The following UBE3B variants were observed in gnomAD, a reference collection of about 807,000 sequenced individuals.
UBE3B encodes ubiquitin protein ligase E3B.
In UBE3B, 80 loss-of-function variants were observed where a neutral mutation model predicts 132.3. The observed-to-expected ratio is 0.60, with a 90% CI of 0.50 to 0.73. The LOEUF is 0.73. Among genes scored for constraint, UBE3B ranks in the 30% least tolerant of loss-of-function variants. The probability of loss-of-function intolerance (pLI) is 0.00; values close to 1 mark genes in which losing one functional copy is unlikely to be tolerated. For synonymous variants in UBE3B, 487 were observed against 520.4 expected (o/e 0.94, Z 0.87); for missense variants, 1,196 against 1,362.5 (o/e 0.88, Z 1.92).
In UBE3B at chr12:109,522,609, G is replaced by A. The variant is rs1170300111; in HGVS notation, c.2364+1058G>A. 2.0e-5 allele frequency among the ~76,000 whole-genome samples: 3 copies of A among 152,202 alleles called. No individual in the cohort carries two copies. Among genetic ancestry groups the A allele is most frequent in the Non-Finnish European group, 2.9e-5 (2 of 68,044 alleles). On this transcript the variant is annotated intron_variant, in intron 21 of 27. Coordinates refer to ENST00000342494, the MANE Select transcript of UBE3B (RefSeq NM_130466.4). This position sits in a 1 kb window ranked among gnomAD's most constrained non-coding sequence, Gnocchi z 4.2. The stretch of plus-strand genomic sequence containing the variant: ...GCCAGATGCTTTCCAAACAGAAAGA[G>A]CCAGCAGCTGGGCCAAGCTGAGAGG...
intron 26 of UBE3B, among the ~76,000 whole-genome samples, chr12:109,530,871 G>T (rs906654620): frequency 6.6e-6 from 1 of 152,332 alleles, no homozygotes; most frequent in African/African-American, 2.4e-5. Context: ...GTCCCTGGCT[G>T]CAGGGACAGG....
At chr12:109,491,196 T>C in intron 9 of UBE3B, 69 bp downstream of exon 9, 1 of 1,471,608 alleles carries the variant, frequency 6.8e-7, no homozygotes, top group Non-Finnish European at 9.5e-7. Context: ...TTTTTCTTTC[T>C]CTCGTTACTG....
downstream of UBE3B, among the ~76,000 whole-genome samples, chr12:109,541,377 G>C (rs1280848569): frequency 2.0e-5 from 3 of 152,182 alleles, no homozygotes; most frequent in East Asian, 5.8e-4. Flanking sequence ...TCAGTGACTT[G>C]AGAGTAGGCA....
chr12:109,511,398 A>G (rs1880355313), intron 18 of UBE3B, 95 bp downstream of exon 18: 2 of 1,098,564 alleles, frequency 1.8e-6, no homozygotes, highest in African/African-American at 1.6e-5. Context: ...GGAGGTGACT[A>G]AGTGGGATCA....
At chr12:109,529,291 AC>A (rs1882709236) in intron 24 of UBE3B, among the ~76,000 whole-genome samples, 1 of 152,190 alleles carries the variant, frequency 6.6e-6, no homozygotes, top group Non-Finnish European at 1.5e-5. Flanking sequence ...ATCACAGCAG[AC>A]CCAGAGACCC....
In UBE3B at chr12:109,521,924, G is replaced by T. The variant is rs1243700938; in HGVS notation, c.2364+373G>T. 1.3e-5 allele frequency among the ~76,000 whole-genome samples: 2 copies of T among 152,174 alleles called. No individual in the cohort carries two copies. The highest frequency in any genetic ancestry group is 2.4e-5 in the African/African-American group (1 of 41,454). ...TCTTTCCTGAGGCATGAGGAGTGGT[G>T]TGCAGAGCCAGATGGCCACACGGAG... is the stretch of plus-strand genomic sequence containing the variant. On this transcript the variant is annotated intron_variant, in intron 21 of 27. Coordinates refer to ENST00000342494, the MANE Select transcript of UBE3B (RefSeq NM_130466.4). This position sits in a 1 kb window ranked among gnomAD's most constrained non-coding sequence, Gnocchi z 4.2.
At chr12:109,543,671 A>G in the UBE3B span, among the ~76,000 whole-genome samples, 2 of 152,194 alleles carry the variant, frequency 1.3e-5, no homozygotes, top group Non-Finnish European at 2.9e-5. Context: ...CGTCTCTACT[A>G]AAAACACAAA....
At chr12:109,508,820 A>G (rs1234775165) in intron 15 of UBE3B, 2 of 886,294 alleles carry the variant, frequency 2.3e-6, no homozygotes, top group African/African-American at 1.8e-5. Flanking sequence ...ATGTTCTTTC[A>G]AACATTTATT....
At chr12:109,514,746 C>T (rs1880795710) in intron 18 of UBE3B, among the ~76,000 whole-genome samples, 2 of 151,974 alleles carry the variant, frequency 1.3e-5, no homozygotes, top group Non-Finnish European at 2.9e-5. Flanking sequence ...GCCTCCCTCC[C>T]TGTGTCCCCA....
At chr12:109,505,848 C>A (rs1331860942) in intron 14 of UBE3B, among the ~76,000 whole-genome samples, 2 of 152,182 alleles carry the variant, frequency 1.3e-5, no homozygotes, top group Non-Finnish European at 2.9e-5. Context: ...CCAAACAGTT[C>A]TTTATTCAAA....
Position 109,488,223 on chromosome 12 carries a change from C to T in UBE3B, c.448-349C>T, listed in dbSNP as rs535892254. Among the ~76,000 whole-genome samples, 8 of 152,338 alleles carry T rather than the reference C, an allele frequency of 5.3e-5. No individual in the cohort carries two copies. The South Asian group carries it at 1.0e-3, about 20-fold the overall frequency. The stretch of plus-strand genomic sequence containing the variant: ...AGAAGGCTGAGCCCAGAGTCCTAGT[C>T]ATGCTCAATTGCATTTCTGCTCTGT... On this transcript the variant is annotated intron_variant, in intron 6 of 27. Coordinates refer to ENST00000342494, the MANE Select transcript of UBE3B (RefSeq NM_130466.4).
chr12:109,506,896 C>A (rs1345923774), intron 14 of UBE3B, among the ~76,000 whole-genome samples: 1 of 152,182 alleles, frequency 6.6e-6, no homozygotes, highest in African/African-American at 2.4e-5. Flanking sequence ...TCACAGGTGG[C>A]CATCTGATTA....
intron 2 of UBE3B, among the ~76,000 whole-genome samples, chr12:109,482,902 A>G (rs548893124): frequency 6.6e-6 from 1 of 152,260 alleles, no homozygotes; most frequent in Admixed American, 6.5e-5. Context: ...ATAAAACCAA[A>G]TATCTTCAAT....
In UBE3B at chr12:109,534,497, G is replaced by A. The variant is rs1309928783; in HGVS notation, c.3016-94G>A. On this transcript the variant is annotated intron_variant, in intron 27 of 27. Coordinates refer to ENST00000342494, the MANE Select transcript of UBE3B (RefSeq NM_130466.4). This position sits in a 1 kb window ranked among gnomAD's most constrained non-coding sequence, Gnocchi z 5.2. ...CACTCTGCCCAGCATCCAGGGACTG[G>A]CCAGATCCCCTCCCTGGGCTCCCTG... 24 of 1,512,324 alleles carry A rather than the reference G, an allele frequency of 1.6e-5. No individual in the cohort carries two copies. The highest frequency in any genetic ancestry group is 1.3e-4 in the Admixed American group (6 of 45,874). 93.7% of individuals were successfully genotyped at this position (1,512,324 alleles called of 1,614,324 possible).
At chr12:109,484,753 G>A (rs1000276621) in intron 4 of UBE3B, among the ~76,000 whole-genome samples, 4 of 144,022 alleles carry the variant, frequency 2.8e-5, no homozygotes, top group African/African-American at 7.8e-5. Context: ...CTCAATGTTC[G>A]TTCATTCATT....
rs780507038 is a variant in UBE3B at position 109,483,812 on chromosome 12, G to A, written c.162-49G>A. ...AAAGTGCTTGAAAAGCCTTCCAGGTGCTACAAGCTGTTAATTTAAAATGTC... is the reference window on the plus strand; with the variant it reads ...AAAGTGCTTGAAAAGCCTTCCAGGTACTACAAGCTGTTAATTTAAAATGTC... On this transcript the variant is annotated intron_variant, in intron 3 of 27. Transcript: ENST00000342494. 3.1e-6 allele frequency: 5 copies of A among 1,597,680 alleles called. No individual in the cohort carries two copies. In the African/African-American group the frequency reaches 4.0e-5, roughly 13 times the overall value.
intron 1 of UBE3B, among the ~76,000 whole-genome samples, chr12:109,480,228 T>C (rs1875135130): frequency 6.6e-6 from 1 of 151,246 alleles, no homozygotes; most frequent in African/African-American, 2.4e-5. Context: ...ATAAAAATAA[T>C]ACACCAGTTA....
chr12:109,523,840 C>T lies in UBE3B; in HGVS notation c.2365-138C>T. On this transcript the variant is annotated intron_variant, in intron 21 of 27. Transcript: ENST00000342494. Reference sequence around the variant, plus strand: ...TTGGTAGAGGATGGGGAGATACTGCCCTCCGGATTGGAAACTTAGGAGGGG... The same window carrying T: ...TTGGTAGAGGATGGGGAGATACTGCTCTCCGGATTGGAAACTTAGGAGGGG... 2.4e-6 allele frequency: 3 copies of T among 1,228,710 alleles called. No individual in the cohort carries two copies. The East Asian group carries it at 7.0e-5, about 29-fold the overall frequency. 76.1% of individuals were successfully genotyped at this position (1,228,710 alleles called of 1,614,324 possible).
chr12:109,489,272 G>A (rs1468133747), intron 7 of UBE3B, among the ~76,000 whole-genome samples: 2 of 152,194 alleles, frequency 1.3e-5, no homozygotes, highest in Non-Finnish European at 2.9e-5. Context: ...GATATAAAAT[G>A]ACAATAATGT....
Sources: gnomAD v4.1 joint callset for allele counts (sites outside exome capture counted in the v4.1 genomes callset) on GRCh38, gnomAD v4.1.1 for gene constraint, Gnocchi (gnomAD v3.1) non-coding constraint, MANE v1.5 for transcripts, NCBI Gene and HGNC (gene_info 2026-07-23, HGNC 2026-07-21) for gene names.